RGS22: variants seen among roughly 807,000 people sequenced by gnomAD.
The protein encoded by RGS22 is regulator of G-protein signaling 22.
Under a neutral mutation model 172.9 loss-of-function variants are expected in RGS22, and 148 were observed. That is an observed-to-expected ratio of 0.86 (90% CI 0.75 to 0.98). The LOEUF (loss-of-function observed/expected upper bound fraction) is 0.98, where lower values mean the gene tolerates loss of function less well. Ranked by LOEUF, RGS22 falls within the 50% of genes least tolerant of loss-of-function variation. The pLI, the probability that RGS22 is intolerant of heterozygous loss-of-function variation, is 0.00. For synonymous variants in RGS22, 458 were observed against 480.2 expected (o/e 0.95, Z 0.60); for missense variants, 1,347 against 1,440.8 (o/e 0.93, Z 1.05).
chr8:100,086,225 G>T (rs1270017779), intron 3 of RGS22, among the ~76,000 whole-genome samples: 2 of 152,090 alleles, frequency 1.3e-5, no homozygotes, highest in East Asian at 3.8e-4. Context: ...GGTTACATTT[G>T]GTGAACTGCA....
intron 3 of RGS22, chr8:100,093,179 A>G (rs1016846918): frequency 3.4e-6 from 1 of 290,178 alleles, no homozygotes; most frequent in African/African-American, 2.2e-5. Context: ...AAAAAGCCTA[A>G]CATGGTGCCA....
intron 20 of RGS22, among the ~76,000 whole-genome samples, chr8:99,990,988 T>C (rs567195964): frequency 6.6e-6 from 1 of 152,028 alleles, no homozygotes; most frequent in Non-Finnish European, 1.5e-5. Flanking sequence ...GGAGTGGAGC[T>C]CCAACAAACT....
At chr8:100,044,248 T>C (rs1820469402) in intron 11 of RGS22, among the ~76,000 whole-genome samples, 1 of 152,178 alleles carries the variant, frequency 6.6e-6, no homozygotes, top group African/African-American at 2.4e-5. Context: ...GTTTTTTTGT[T>C]TGTTCGTTTG....
At chr8:99,992,024 T>C (rs1004106462) in intron 20 of RGS22, among the ~76,000 whole-genome samples, 2 of 152,132 alleles carry the variant, frequency 1.3e-5, no homozygotes, top group African/African-American at 2.4e-5. Flanking sequence ...CTAAGCTTCA[T>C]AAGTGAAGGA....
intron 6 of RGS22, among the ~76,000 whole-genome samples, chr8:100,068,608 T>C (rs1233795262): frequency 1.3e-5 from 2 of 152,170 alleles, no homozygotes; most frequent in Non-Finnish European, 2.9e-5. Context: ...TTTTAGGACA[T>C]TTCCAACATT....
chr8:100,007,947 T>C (rs1174087582), intron 15 of RGS22, among the ~76,000 whole-genome samples: 1 of 152,114 alleles, frequency 6.6e-6, no homozygotes, highest in East Asian at 1.9e-4. Context: ...TGAGACCTTT[T>C]TCAGTTTTTC....
chr8:100,056,065 T>C (rs745479756), intron 9 of RGS22, among the ~76,000 whole-genome samples: 7 of 152,080 alleles, frequency 4.6e-5, no homozygotes, highest in Non-Finnish European at 1.0e-4. Flanking sequence ...TTGACCAAAA[T>C]GGTGATAGTG....
At chr8:100,002,472 T>G in intron 17 of RGS22, 108 bp from the exon 18 acceptor site, 1 of 976,742 alleles carries the variant, frequency 1.0e-6, no homozygotes, top group South Asian at 1.6e-5. Context: ...CTATCTTGAC[T>G]AGTAGCATTA....
intron 17 of RGS22, among the ~76,000 whole-genome samples, chr8:100,003,430 A>G (rs1815332483): frequency 6.6e-6 from 1 of 152,024 alleles, no homozygotes. Context: ...GAGAATATTA[A>G]TAGGAAAAAA....
chr8:100,028,473 G>GA (rs1189487393), intron 14 of RGS22, among the ~76,000 whole-genome samples: 12 of 141,370 alleles, frequency 8.5e-5, no homozygotes, highest in South Asian at 2.3e-4. Context: ...AAAAAAAAAG[G>GA]AAAAAAAAAG....
At position 100,056,192 on chromosome 8, in the gene RGS22, T is replaced by A. The variant is rs528273020; in HGVS notation, c.1515-3216A>T. Among the ~76,000 whole-genome samples the A allele has an allele frequency of 6.6e-5, 10 of 152,276 alleles. No individual in the cohort carries two copies. In the East Asian group the frequency reaches 1.4e-3, roughly 21 times the overall value. ...AAAGAGACTGGTGGCATTTTGCCCC[T>A]GCCCCAGAGATCTGTGGAACTTTGA... On this transcript the variant is annotated intron_variant, in intron 9 of 27. Coordinates refer to ENST00000360863, the MANE Select transcript of RGS22 (RefSeq NM_015668.5).
intron 2 of RGS22, among the ~76,000 whole-genome samples, chr8:100,100,784 T>A (rs1322472417): frequency 2.0e-5 from 3 of 152,204 alleles, no homozygotes; most frequent in African/African-American, 7.2e-5. Context: ...TAAAAATTAG[T>A]TAAAAATGAA....
chr8:100,030,679 G>T (rs995225409), intron 14 of RGS22, among the ~76,000 whole-genome samples: 6 of 152,168 alleles, frequency 3.9e-5, no homozygotes, highest in Admixed American at 2.0e-4. Context: ...AGAAGAAACT[G>T]TCAACCTAGA....
In RGS22 at chr8:99,982,207, T is replaced by G. The variant is rs937350157; in HGVS notation, c.3181-91A>C. Reference sequence around the variant, plus strand: ...ATCAATATGTGTTTCAATTAATATATGCATTTCAACTTTAGGTCAAGAAGG... The same window carrying G: ...ATCAATATGTGTTTCAATTAATATAGGCATTTCAACTTTAGGTCAAGAAGG... On this transcript the variant is annotated intron_variant, in intron 21 of 27. Transcript: ENST00000360863. 4.9e-6 allele frequency: 5 copies of G among 1,011,070 alleles called. No homozygotes were observed. The South Asian group carries it at 1.0e-4, about 20-fold the overall frequency. 62.6% of individuals were successfully genotyped at this position (1,011,070 alleles called of 1,614,324 possible). A position where few individuals can be genotyped will look rare whatever the true frequency, so the allele number is the denominator to read the frequency against.
intron 14 of RGS22, among the ~76,000 whole-genome samples, chr8:100,036,789 C>T (rs1010507244): frequency 2.6e-4 from 39 of 151,562 alleles, no homozygotes; most frequent in African/African-American, 8.7e-4. Flanking sequence ...TATAAAGATG[C>T]GGTCTCACTT....
chr8:100,066,395 T>C, intron 6 of RGS22, 99 bp from the exon 7 acceptor site: 2 of 864,436 alleles, frequency 2.3e-6, no homozygotes, highest in East Asian at 2.7e-5. Context: ...ACTTGCACAG[T>C]ACAATATGTA....
intron 14 of RGS22, among the ~76,000 whole-genome samples, chr8:100,009,401 G>A (rs1379336726): frequency 6.7e-6 from 1 of 148,528 alleles, no homozygotes; most frequent in African/African-American, 2.5e-5. Flanking sequence ...CTCCAGCCTG[G>A]GTGACAAAGT....
At chr8:99,975,833 C>A (rs1811868383) in intron 23 of RGS22, among the ~76,000 whole-genome samples, 2 of 152,226 alleles carry the variant, frequency 1.3e-5, no homozygotes, top group South Asian at 4.1e-4. Flanking sequence ...CAGGTGGGAG[C>A]TACCTCACCC....
chr8:100,026,732 T>C (rs1460411064), intron 14 of RGS22, among the ~76,000 whole-genome samples: 2 of 152,192 alleles, frequency 1.3e-5, no homozygotes, highest in Non-Finnish European at 2.9e-5. Context: ...ATTCTGAAGT[T>C]GTTAATCTGA....
Sources: allele counts gnomAD v4.1 joint callset (sites outside exome capture counted in the v4.1 genomes callset), GRCh38; gene constraint gnomAD v4.1.1; transcripts MANE v1.5; gene names NCBI Gene and HGNC (gene_info 2026-07-23, HGNC 2026-07-21).